PIEZO2: variants seen among roughly 807,000 people sequenced by gnomAD.
PIEZO2 encodes piezo type mechanosensitive ion channel component 2.
In PIEZO2, 172 loss-of-function variants were observed where a neutral mutation model predicts 337.3. The ratio of observed to expected loss-of-function variants is 0.51; its 90% CI spans 0.45 to 0.58. The LOEUF (loss-of-function observed/expected upper bound fraction) is 0.58, where lower values mean the gene tolerates loss of function less well. Among genes scored for constraint, PIEZO2 ranks in the 20% least tolerant of loss-of-function variants. The pLI is 0.00. For missense variants in PIEZO2, 3,028 were observed against 3,391.3 expected (o/e 0.89, Z 2.66); for synonymous variants, 1,251 against 1,228.5 (o/e 1.02, Z -0.38).
rs538155584 is a variant in PIEZO2 at position 10,814,611 on chromosome 18, GGCTGA to G, written c.918-7342_918-7338del. 7.2e-5 allele frequency among the ~76,000 whole-genome samples: 11 copies of G among 152,248 alleles called. No homozygotes were observed. The South Asian group carries it at 2.1e-3, about 29-fold the overall frequency. On this transcript the variant is annotated intron_variant, in intron 7 of 55. Coordinates refer to ENST00000674853, the MANE Select transcript of PIEZO2 (RefSeq NM_001378183.1). ...ACAGAGAGGAGGATTGTTGAAGCTC[GGCTGA>G]GCTCTGTCAAGGTGGAAGCCTTGTC...
At position 10,682,158 on chromosome 18, in the gene PIEZO2, C is replaced by T; in HGVS notation, c.7632G>A (p.Gly2544=). 1 of 1,537,086 alleles carries T rather than the reference C, an allele frequency of 6.5e-7. No individual in the cohort carries two copies. The highest frequency in any genetic ancestry group is 1.2e-5 in the South Asian group (1 of 84,046). The change falls in exon 50 of 56, where the codon GGG becomes GGA. Residue 2544 remains glycine, a synonymous_variant. Coordinates refer to ENST00000674853, the MANE Select transcript of PIEZO2 (RefSeq NM_001378183.1). The surrounding 1 kb of genome is among the most constrained non-coding windows in gnomAD (Gnocchi z 5.6). The part of the protein sequence containing the change: ...LFMSLIKSVA[G]VINQPLDVSV... ...AGACGTCCAGGGGCTGGTTGATGAC[C>T]CCAGCCACAGATTTGATCAAAGACA...
chr18:10,908,155 C>T (rs2030129308), intron 4 of PIEZO2, among the ~76,000 whole-genome samples: 1 of 152,204 alleles, frequency 6.6e-6, no homozygotes, highest in African/African-American at 2.4e-5. Context: ...AACTGAACAA[C>T]ATCTCAGGGG....
chr18:10,967,584 C>T (rs962363103), intron 3 of PIEZO2, among the ~76,000 whole-genome samples: 3 of 152,126 alleles, frequency 2.0e-5, no homozygotes, highest in Admixed American at 2.0e-4. Context: ...AAAATTGTTT[C>T]CTTTTTAGCA....
chr18:11,018,382 C>CGT (rs376013388), intron 2 of PIEZO2, among the ~76,000 whole-genome samples: 4,389 of 114,122 alleles, frequency 0.038, 87 homozygotes, highest in African/African-American at 0.048. Context: ...CCCAACATGT[C>CGT]GTGTGTGTGT....
At chr18:10,849,863 C>T (rs777134362) in intron 7 of PIEZO2, among the ~76,000 whole-genome samples, 12 of 152,180 alleles carry the variant, frequency 7.9e-5, no homozygotes, top group Non-Finnish European at 1.3e-4. Context: ...CCATAGGGCT[C>T]TATTCTTTTA....
rs2036724404 is a variant in PIEZO2, at chr18:11,031,171, T to G, written c.160+34956A>C. ...TGCCTGGCTAATTTTTTTGTATTTT[T>G]TTTTTTTTTAGTGGAGATGGGATTT... On this transcript the variant is annotated intron_variant, in intron 2 of 55. Coordinates refer to ENST00000674853, the MANE Select transcript of PIEZO2 (RefSeq NM_001378183.1). The surrounding 1 kb of genome is among the most constrained non-coding windows in gnomAD (Gnocchi z 4.7). 1.3e-5 allele frequency among the ~76,000 whole-genome samples: 2 copies of G among 151,818 alleles called. No individual in the cohort carries two copies. The highest frequency in any genetic ancestry group is 4.2e-4 in the South Asian group (2 of 4,798).
In PIEZO2 at chr18:11,142,251, T is replaced by A. The variant is rs747128756; in HGVS notation, c.64+6274A>T. Among the ~76,000 whole-genome samples the A allele has an allele frequency of 3.3e-5, 5 of 152,254 alleles. 1 individual carries two copies. Among genetic ancestry groups the A allele is most frequent in the African/African-American group, 9.6e-5 (4 of 41,476 alleles). On this transcript the variant is annotated intron_variant, in intron 1 of 55. Transcript: ENST00000674853. ...AACACATTGAAAAAATGCAAAGCTA[T>A]ACGTTGCTGTTAAATTTTAAAAATA...
intron 52 of PIEZO2, among the ~76,000 whole-genome samples, chr18:10,679,555 A>G (rs570852): frequency 0.71 from 107,485 of 152,124 alleles, 40,506 homozygotes; most frequent in Non-Finnish European, 0.83. Flanking sequence ...ATTTAAATCA[A>G]CTTTCAAATC....
Position 10,819,009 on chromosome 18 carries a change from A to G in PIEZO2, c.918-11735T>C, listed in dbSNP as rs2040445213. On this transcript the variant is annotated intron_variant, in intron 7 of 55. Coordinates refer to ENST00000674853, the MANE Select transcript of PIEZO2 (RefSeq NM_001378183.1). This position sits in a 1 kb window ranked among gnomAD's most constrained non-coding sequence, Gnocchi z 4.3. ...TTTTTATCTATATTGTTAGTGGCTA[A>G]TAATTTTTTGTTACACTTTAAACAG... 6.6e-6 allele frequency among the ~76,000 whole-genome samples: 1 copy of G among 152,208 alleles called. No individual in the cohort carries two copies. The highest frequency in any genetic ancestry group is 6.5e-5 in the Admixed American group (1 of 15,278).
chr18:10,741,052 G>C lies in PIEZO2; in HGVS notation c.4687C>G (p.Pro1563Ala), dbSNP rs1398402049. ...AKGKKKQWWR[P>A]WVDHASMVRS... ...CTACTGGAAGCATGATCAACCCAAG[G>C]CCGCCACCACTGCTTTTTTTTGCCC... Residue 1563 changes from proline to alanine, a missense_variant, in exon 33 of 56, where the codon CCT (proline) becomes GCT (alanine). Pro to Ala is a conservative substitution (Grantham distance 27). Transcript: ENST00000674853. 1.3e-6 allele frequency: 2 copies of C among 1,537,142 alleles called. No individual in the cohort carries two copies. Among genetic ancestry groups the C allele is most frequent in the Admixed American group, 3.9e-5 (2 of 50,980 alleles).
At position 10,672,771 on chromosome 18, in the gene PIEZO2, T is replaced by C. The variant is rs755935886; in HGVS notation, c.8264A>G (p.Asn2755Ser). 2.5e-6 allele frequency: 4 copies of C among 1,614,128 alleles called. No homozygotes were observed. Among genetic ancestry groups the C allele is most frequent in the East Asian group, 4.5e-5 (2 of 44,878 alleles). ...VLNLTGNRIY[N>S]PNSQALELVV... is the part of the protein sequence containing the mutation. Reference sequence around the variant, plus strand: ...CAGTTCCAGGGCCTGAGAGTTCGGATTGTATATTCTGTTTCCAGTCAGGTT... The same window carrying C: ...CAGTTCCAGGGCCTGAGAGTTCGGACTGTATATTCTGTTTCCAGTCAGGTT... Residue 2755 changes from asparagine (N) to serine (S), a missense_variant, in exon 55 of 56, where the codon AAT (asparagine) becomes AGT (serine). Asn to Ser is a conservative substitution (Grantham distance 46). Around this residue, in one of 5 missense-constraint regions of PIEZO2, gnomAD observed 332 missense variants for 363.8 expected, o/e 0.91. Coordinates refer to ENST00000674853, the MANE Select transcript of PIEZO2 (RefSeq NM_001378183.1). The surrounding 1 kb of genome is among the most constrained non-coding windows in gnomAD (Gnocchi z 4.7).
rs573506720 is a variant in PIEZO2 at position 11,017,188 on chromosome 18, A to G, written c.161-37528T>C. On this transcript the variant is annotated intron_variant, in intron 2 of 55. Transcript: ENST00000674853. ...GTGTTTTTGACCTCTACGGTCAAAAATGTCTAATTGTCAAATGGATGGGTT... is the reference window on the plus strand; with the variant it reads ...GTGTTTTTGACCTCTACGGTCAAAAGTGTCTAATTGTCAAATGGATGGGTT... Among the ~76,000 whole-genome samples, 122 of 152,354 alleles carry G rather than the reference A, an allele frequency of 8.0e-4. 2 individuals are homozygous for G. Among genetic ancestry groups the G allele is most frequent in the African/African-American group, 2.9e-3 (119 of 41,594 alleles).
intron 2 of PIEZO2, among the ~76,000 whole-genome samples, chr18:11,008,541 T>G (rs184548229): frequency 6.6e-6 from 1 of 152,292 alleles, no homozygotes. Context: ...GGCCCACTCT[T>G]GTTTAGTTCA....
In PIEZO2 at chr18:10,759,377, C is replaced by T. The variant is rs181222389; in HGVS notation, c.3757+105G>A. 92 of 931,068 alleles carry T rather than the reference C, an allele frequency of 9.9e-5. No individual in the cohort carries two copies. Among genetic ancestry groups the T allele is most frequent in the Non-Finnish European group, 3.3e-5 (20 of 613,956 alleles). The allele number at this position is 931,068 out of a possible 1,614,324, so 57.7% of individuals were successfully genotyped here. On this transcript the variant is annotated intron_variant, in intron 26 of 55. Transcript: ENST00000674853. This position sits in a 1 kb window ranked among gnomAD's most constrained non-coding sequence, Gnocchi z 5.5. ...CATAAGACAAGCCTTTACATGATTA[C>T]GAAGTCTAGTGGAAGACAAAAGGCA... is the stretch of plus-strand genomic sequence containing the variant.
intron 3 of PIEZO2, among the ~76,000 whole-genome samples, chr18:10,955,332 A>T (rs1477455226): frequency 6.6e-6 from 1 of 152,224 alleles, no homozygotes; most frequent in Non-Finnish European, 1.5e-5. Context: ...GCAAGGAGAC[A>T]GCTATTGGCA....
At chr18:10,780,863 A>C (rs548223873) in intron 17 of PIEZO2, among the ~76,000 whole-genome samples, 28 of 151,782 alleles carry the variant, frequency 1.8e-4, no homozygotes, top group South Asian at 8.4e-4. Context: ...GGGTTTTACT[A>C]TGTTGGCTTA....
chr18:11,013,554 C>T (rs906322001), intron 2 of PIEZO2, among the ~76,000 whole-genome samples: 3 of 152,220 alleles, frequency 2.0e-5, no homozygotes, highest in East Asian at 3.8e-4. Flanking sequence ...ACTCAAATAA[C>T]TAATTCAAGG....
chr18:10,811,254 T>C (rs1016198640), intron 7 of PIEZO2, among the ~76,000 whole-genome samples: 4 of 152,194 alleles, frequency 2.6e-5, no homozygotes, highest in Admixed American at 6.5e-5. Context: ...GATTCAGTTT[T>C]CCCTATGCCT....
rs145643085 is a variant in PIEZO2, at chr18:10,781,303, C to T, written c.2493-937G>A. Among the ~76,000 whole-genome samples the T allele has an allele frequency of 0.066, 10,079 of 151,670 alleles. 364 individuals are homozygous for T. The highest frequency in any genetic ancestry group is 0.085 in the African/African-American group (3,498 of 41,258). On this transcript the variant is annotated intron_variant, in intron 17 of 55. Transcript: ENST00000674853. The surrounding 1 kb of genome is among the most constrained non-coding windows in gnomAD (Gnocchi z 4.1). ...GGCCAATATGGTGAAACCCCCGTCT[C>T]TATTAAAAATAGAAAAATTAGCCAG...
Sources: gnomAD v4.1 joint callset for allele counts (sites outside exome capture counted in the v4.1 genomes callset) on GRCh38, gnomAD v4.1.1 for gene constraint, gnomAD v4.1.1 regional missense constraint, Gnocchi (gnomAD v3.1) non-coding constraint, MANE v1.5 for transcripts, NCBI Gene and HGNC (gene_info 2026-07-23, HGNC 2026-07-21) for gene names.